Variants in UGT1A7 observed in about 807,000 individuals in gnomAD.
UGT1A7 encodes the protein UDP glucuronosyltransferase family 1 member A7.
A neutral mutation model predicts 45.6 loss-of-function variants in UGT1A7; 33 were observed. The ratio of observed to expected loss-of-function variants is 0.72; its 90% CI spans 0.55 to 0.97. The LOEUF is 0.97. Among genes scored for constraint, UGT1A7 ranks in the 50% least tolerant of loss-of-function variants. UGT1A7 has a pLI of 0.00. For missense variants in UGT1A7, 684 were observed against 666.2 expected (o/e 1.03, Z -0.29); for synonymous variants, 274 against 250.6 (o/e 1.09, Z -0.88).
intron 1 of UGT1A7, chr2:233,755,320 T>G: frequency 2.0e-6 from 1 of 508,264 alleles, no homozygotes; most frequent in Admixed American, 3.4e-5. Flanking sequence ...GCGGCAAGGC[T>G]GCCAGCACCC....
At chr2:233,694,255 C>G (rs2075208308) in intron 1 of UGT1A7, among the ~76,000 whole-genome samples, 1 of 151,978 alleles carries the variant, frequency 6.6e-6, no homozygotes, top group African/African-American at 2.4e-5. Context: ...GAGCCAGGGA[C>G]CAGCGAACTA....
At chr2:233,718,037 G>A (rs1268815456) in intron 1 of UGT1A7, 2 of 377,926 alleles carry the variant, frequency 5.3e-6, no homozygotes, top group Non-Finnish European at 1.0e-5. Context: ...CCTTTGGTGA[G>A]CAGGAGCTCC....
intron 1 of UGT1A7, among the ~76,000 whole-genome samples, chr2:233,696,227 A>T (rs2075332487): frequency 1.3e-5 from 2 of 152,270 alleles, no homozygotes; most frequent in South Asian, 4.1e-4. Context: ...CACAGTAGCC[A>T]AAATATGGAA....
At chr2:233,726,418 C>G (rs1368696095) in intron 1 of UGT1A7, among the ~76,000 whole-genome samples, 1 of 152,176 alleles carries the variant, frequency 6.6e-6, no homozygotes, top group African/African-American at 2.4e-5. Flanking sequence ...CATTCTGATT[C>G]TGTCCACTCT....
intron 1 of UGT1A7, among the ~76,000 whole-genome samples, chr2:233,688,387 C>A (rs1220480074): frequency 6.6e-6 from 1 of 152,160 alleles, no homozygotes; most frequent in Non-Finnish European, 1.5e-5. Flanking sequence ...ATACGATAAA[C>A]CCTGATGTTC....
intron 1 of UGT1A7, chr2:233,752,532 T>G (rs1694995506): frequency 6.6e-6 from 1 of 152,250 alleles, no homozygotes; most frequent in African/African-American, 2.4e-5. Context: ...AAAAATTCTT[T>G]AAATAAAATG....
intron 1 of UGT1A7, among the ~76,000 whole-genome samples, chr2:233,710,181 C>T (rs1477662266): frequency 6.6e-6 from 1 of 152,106 alleles, no homozygotes; most frequent in Admixed American, 6.5e-5. Context: ...TATTGATGGA[C>T]ATGTGGATAG....
intron 1 of UGT1A7, among the ~76,000 whole-genome samples, 185 bp downstream of exon 1, chr2:233,682,977 T>C (rs1213676432): frequency 6.6e-6 from 1 of 152,212 alleles, no homozygotes; most frequent in African/African-American, 2.4e-5. Context: ...CTCTTGTTGA[T>C]ATGTAAGTGT....
chr2:233,742,329 G>T (rs1030248524), intron 1 of UGT1A7, among the ~76,000 whole-genome samples: 2 of 151,942 alleles, frequency 1.3e-5, no homozygotes, highest in Non-Finnish European at 2.9e-5. Context: ...GGGAAACAAA[G>T]GGATGGGCTC....
chr2:233,703,443 C>T (rs1040627935), intron 1 of UGT1A7, among the ~76,000 whole-genome samples: 3 of 151,842 alleles, frequency 2.0e-5, no homozygotes, highest in African/African-American at 7.3e-5. Context: ...ATTTCTATGT[C>T]GTTAATTTCC....
chr2:233,729,418 C>A, intron 1 of UGT1A7: 1 of 1,613,756 alleles, frequency 6.2e-7, no homozygotes, highest in Middle Eastern at 1.6e-4. Context: ...GGGCCACACT[C>A]AACTGTACTT....
intron 1 of UGT1A7, chr2:233,747,309 G>A: frequency 7.5e-6 from 12 of 1,603,078 alleles, no homozygotes; most frequent in Non-Finnish European, 1.0e-5. Context: ...GGAAGGTGCT[G>A]GTGGTACCCA....
Position 233,693,065 on chromosome 2 carries a change from T to C in UGT1A7, c.855+10273T>C, listed in dbSNP as rs1209922718. On this transcript the variant is annotated intron_variant, in intron 1 of 4. Coordinates refer to ENST00000373426, the MANE Select transcript of UGT1A7 (RefSeq NM_019077.3). ...TGCAGGGGTTTTCTTCTTAGCACTT[T>C]GGGGCATGGTTGTAGGTGACAAGCT... 3 of 1,614,026 alleles carry C rather than the reference T, an allele frequency of 1.9e-6. No individual in the cohort carries two copies. In the African/African-American group the frequency reaches 4.0e-5, roughly 22 times the overall value.
rs536726765 is a variant in UGT1A7, at chr2:233,724,607, C to T, written c.855+41815C>T. 5.2e-5 allele frequency among the ~76,000 whole-genome samples: 7 copies of T among 135,444 alleles called. 1 individual carries two copies. Among genetic ancestry groups the T allele is most frequent in the African/African-American group, 1.2e-4 (4 of 34,508 alleles). The allele number at this position is 135,444 out of a possible 152,430, so 88.9% of individuals were successfully genotyped here. On this transcript the variant is annotated intron_variant, in intron 1 of 4. Coordinates refer to ENST00000373426, the MANE Select transcript of UGT1A7 (RefSeq NM_019077.3). ...CCCCACATCTCAGACGATGGGCGGC[C>T]GGGCAGAGACGCTCCTCACTTCCTA...
At chr2:233,691,469 C>T (rs183049628) in intron 1 of UGT1A7, 3 of 985,780 alleles carry the variant, frequency 3.0e-6, no homozygotes, top group East Asian at 1.1e-4. Flanking sequence ...AGAACACCTC[C>T]GGTGCCAAAC....
intron 1 of UGT1A7, chr2:233,718,664 G>C: frequency 6.5e-7 from 1 of 1,540,864 alleles, no homozygotes; most frequent in Non-Finnish European, 8.7e-7. Flanking sequence ...GGCAGTTATA[G>C]ATTAATGGGT....
chr2:233,756,447 C>T (rs1249165740), intron 1 of UGT1A7: 1 of 151,922 alleles, frequency 6.6e-6, no homozygotes, highest in Non-Finnish European at 1.5e-5. Context: ...TTGTTCCCCC[C>T]AAATATTTTC....
chr2:233,729,355 C>T (rs144116440), intron 1 of UGT1A7: 167 of 1,614,046 alleles, frequency 1.0e-4, no homozygotes, highest in Non-Finnish European at 4.3e-5. Context: ...CTTTTTCACC[C>T]TGACAACCTA....
chr2:233,754,988 A>G (rs756949361), intron 1 of UGT1A7: 25 of 1,295,926 alleles, frequency 1.9e-5, no homozygotes, highest in African/African-American at 1.2e-4. Flanking sequence ...CGGCGGGGTC[A>G]CGGAAGCTGA....
Sources: allele counts gnomAD v4.1 joint callset (sites outside exome capture counted in the v4.1 genomes callset), GRCh38; gene constraint gnomAD v4.1.1; transcripts MANE v1.5; gene names NCBI Gene and HGNC (gene_info 2026-07-23, HGNC 2026-07-21).